The following NFATC2IP variants were observed in gnomAD, a reference collection of about 807,000 sequenced individuals.
NFATC2IP encodes NFATC2-interacting protein.
NFATC2IP carries 25 observed loss-of-function variants against 40.2 expected under a neutral mutation model. That is an observed-to-expected ratio of 0.62 (90% confidence interval 0.45 to 0.87). The LOEUF is 0.87. Among genes scored for constraint, NFATC2IP ranks in the 40% least tolerant of loss-of-function variants. The pLI is 0.00. For synonymous variants in NFATC2IP, 241 were observed against 236.3 expected (o/e 1.02, Z -0.18); for missense variants, 553 against 555.6 (o/e 1.00, Z 0.05).
intron 7 of NFATC2IP, among the ~76,000 whole-genome samples, chr16:28,962,149 T>C (rs895454704): frequency 6.6e-6 from 1 of 152,100 alleles, no homozygotes; most frequent in African/African-American, 2.4e-5. Flanking sequence ...CAACTGATCC[T>C]CCCACCTCTG....
intron 6 of NFATC2IP, 23 bp downstream of exon 6, chr16:28,958,884 G>A: frequency 6.2e-7 from 1 of 1,612,844 alleles, no homozygotes; most frequent in Non-Finnish European, 8.5e-7. Context: ...CAGGGAGGTG[G>A]GGCCTTGAGG....
chr16:28,959,699 G>A (rs896021522), intron 7 of NFATC2IP, among the ~76,000 whole-genome samples: 27 of 149,912 alleles, frequency 1.8e-4, no homozygotes, highest in South Asian at 2.1e-4. Flanking sequence ...TCAGCCTCCC[G>A]TGTAGCTGGG....
intron 7 of NFATC2IP, among the ~76,000 whole-genome samples, chr16:28,962,255 A>G (rs999783912): frequency 2.0e-5 from 3 of 152,110 alleles, no homozygotes; most frequent in African/African-American, 4.8e-5. Flanking sequence ...TCAGGGAGAC[A>G]CTTACTTTCA....
Position 28,963,950 on chromosome 16 carries a change from G to C in NFATC2IP, c.*87G>C. 8.0e-7 allele frequency: 1 copy of C among 1,245,216 alleles called. No individual in the cohort carries two copies. Among genetic ancestry groups the C allele is most frequent in the Non-Finnish European group, 1.1e-6 (1 of 881,852 alleles). 77.1% of individuals were successfully genotyped at this position (1,245,216 alleles called of 1,614,324 possible). A position where few individuals can be genotyped will look rare whatever the true frequency, so the allele number is the denominator to read the frequency against. ...CCCCATAAGGGCTAGCATAAGCTGA[G>C]GTAGAACTTATCTTTAAGCTGCAGC... On this transcript the variant is annotated 3_prime_UTR_variant, in exon 8 of 8. Coordinates refer to ENST00000320805, the MANE Select transcript of NFATC2IP (RefSeq NM_032815.4).
rs186362879 is a variant in NFATC2IP, at chr16:28,964,736, T to C, written c.*873T>C. ...TGCTATTGTGCAATAGGTCTTATGC[T>C]GTTTTCACTCAATGTGTGCTAAGAT... is the stretch of plus-strand genomic sequence containing the variant. On this transcript the variant is annotated 3_prime_UTR_variant, in exon 8 of 8. Coordinates refer to ENST00000320805, the MANE Select transcript of NFATC2IP (RefSeq NM_032815.4). 2.0e-5 allele frequency: 3 copies of C among 152,414 alleles called. No individual in the cohort carries two copies. Among genetic ancestry groups the C allele is most frequent in the Non-Finnish European group, 4.4e-5 (3 of 68,046 alleles). The allele number at this position is 152,414 out of a possible 1,614,324, so 9.4% of individuals were successfully genotyped here. A position where few individuals can be genotyped will look rare whatever the true frequency, so the allele number is the denominator to read the frequency against.
intron 3 of NFATC2IP, 43 bp from the exon 4 acceptor site, chr16:28,955,935 T>G (rs1266534655): frequency 1.4e-6 from 2 of 1,447,934 alleles, no homozygotes; most frequent in Non-Finnish European, 1.9e-6. Context: ...GTGGGGCCAG[T>G]CTCTCTCCAT....
At chr16:28,954,433 C>T in intron 2 of NFATC2IP, 132 bp from the exon 3 acceptor site, 1 of 605,852 alleles carries the variant, frequency 1.7e-6, no homozygotes, top group Non-Finnish European at 3.0e-6. Context: ...ATCATGTGGC[C>T]CTGTGTGTGC....
intron 5 of NFATC2IP, chr16:28,958,452 T>C (rs956221583): frequency 5.2e-6 from 2 of 384,350 alleles, no homozygotes; most frequent in African/African-American, 4.2e-5. Context: ...CCAGCCTGTC[T>C]AGGTGGCATG....
At chr16:28,957,360 G>A in intron 5 of NFATC2IP, among the ~76,000 whole-genome samples, 1 of 151,672 alleles carries the variant, frequency 6.6e-6, no homozygotes, top group Admixed American at 6.6e-5. Context: ...ATAGAGATGG[G>A]GGCCAGGCAT....
rs1965031286 is a variant in NFATC2IP at position 28,957,226 on chromosome 16, G to A, written c.846+889G>A. 3.3e-5 allele frequency among the ~76,000 whole-genome samples: 5 copies of A among 152,052 alleles called. No individual in the cohort carries two copies. In the South Asian group the frequency reaches 1.0e-3, roughly 32 times the overall value. ...TTTATGTATTTTTAGTGGAGGCAGG[G>A]CTTCACCATATTGGCCAGGCTGGTC... On this transcript the variant is annotated intron_variant, in intron 5 of 7. Transcript: ENST00000320805.
intron 3 of NFATC2IP, 33 bp from the exon 4 acceptor site, chr16:28,955,945 T>C (rs751966262): frequency 3.3e-6 from 5 of 1,537,636 alleles, no homozygotes; most frequent in South Asian, 1.1e-5. Context: ...TCTCTCTCCA[T>C]TGCCTCCGTC....
chr16:28,957,439 T>TC (rs1965034227), intron 5 of NFATC2IP, among the ~76,000 whole-genome samples: 2 of 151,820 alleles, frequency 1.3e-5, no homozygotes, highest in Admixed American at 6.5e-5. Context: ...GGCCAGGAGT[T>TC]CGAGACCAGC....
chr16:28,952,539 G>A, intron 2 of NFATC2IP: 1 of 298,982 alleles, frequency 3.3e-6, no homozygotes, highest in Non-Finnish European at 6.3e-6. Flanking sequence ...ATCTTATCAG[G>A]GATGCCCTGT....
chr16:28,955,880 C>T lies in NFATC2IP; in HGVS notation c.579-98C>T, dbSNP rs541032401. 73 of 970,216 alleles carry T rather than the reference C, an allele frequency of 7.5e-5. 1 individual carries two copies. Among genetic ancestry groups the T allele is most frequent in the African/African-American group, 4.7e-4 (29 of 62,332 alleles). 60.1% of individuals were successfully genotyped at this position (970,216 alleles called of 1,614,324 possible). ...CTGGGATTACAGGTGTGAGCCATTG[C>T]GTCCGACTATGCTTGATTGTCCAAG... On this transcript the variant is annotated intron_variant, in intron 3 of 7. Transcript: ENST00000320805.
At chr16:28,963,273 A>G (rs924386551) in intron 7 of NFATC2IP, among the ~76,000 whole-genome samples, 1 of 152,224 alleles carries the variant, frequency 6.6e-6, no homozygotes, top group Non-Finnish European at 1.5e-5. Context: ...TCTGGGGAAC[A>G]TAACCTGTAA....
chr16:28,959,132 C>T (rs1289353767), intron 7 of NFATC2IP, 32 bp downstream of exon 7: 3 of 1,329,414 alleles, frequency 2.3e-6, no homozygotes, highest in Non-Finnish European at 3.3e-6. Context: ...CCACGCCCCT[C>T]ACCCTGTCCT....
rs189258410 is a variant in NFATC2IP at position 28,964,075 on chromosome 16, G to C, written c.*212G>C. Reference sequence around the variant, plus strand: ...TGGGTGTTGTTGCCCTGGGTGGCCTGTGGCTCCGTCCACAAGTCATGCTGA... The same window carrying C: ...TGGGTGTTGTTGCCCTGGGTGGCCTCTGGCTCCGTCCACAAGTCATGCTGA... On this transcript the variant is annotated 3_prime_UTR_variant, in exon 8 of 8. Transcript: ENST00000320805. 1.1e-5 allele frequency: 6 copies of C among 557,670 alleles called. No homozygotes were observed. In the East Asian group the frequency reaches 1.8e-4, roughly 16 times the overall value. 34.5% of individuals were successfully genotyped at this position (557,670 alleles called of 1,614,324 possible).
chr16:28,957,268 A>G (rs984855472), intron 5 of NFATC2IP, among the ~76,000 whole-genome samples: 18 of 151,902 alleles, frequency 1.2e-4, no homozygotes, highest in Non-Finnish European at 1.0e-4. Flanking sequence ...TCCTGATCTC[A>G]AGTGTTCCCC....
chr16:28,959,203 C>G (rs1400465518), intron 7 of NFATC2IP, 103 bp downstream of exon 7: 1 of 719,952 alleles, frequency 1.4e-6, no homozygotes, highest in Non-Finnish European at 2.4e-6. Flanking sequence ...TCTTGACTTG[C>G]AGGAGACACT....
Sources: gnomAD v4.1 joint callset for allele counts (sites outside exome capture counted in the v4.1 genomes callset) on GRCh38, gnomAD v4.1.1 for gene constraint, MANE v1.5 for transcripts, NCBI Gene and HGNC (gene_info 2026-07-23, HGNC 2026-07-21) for gene names.